NRP2: variants seen among roughly 807,000 people sequenced by gnomAD.
The protein encoded by NRP2 is neuropilin-2.
Under a neutral mutation model 110.4 loss-of-function variants are expected in NRP2, and 52 were observed. That is an observed-to-expected ratio of 0.47 (90% CI 0.38 to 0.59). The LOEUF (loss-of-function observed/expected upper bound fraction) is 0.59, where lower values mean the gene tolerates loss of function less well. Ranked by LOEUF, NRP2 falls within the 20% of genes least tolerant of loss-of-function variation. NRP2 has a pLI of 0.00. For missense variants in NRP2, 1,049 were observed against 1,203.0 expected (o/e 0.87, Z 1.89); for synonymous variants, 508 against 468.9 (o/e 1.08, Z -1.08).
At chr2:205,713,584 G>T (rs1285488463) in intron 2 of NRP2, among the ~76,000 whole-genome samples, 3 of 152,216 alleles carry the variant, frequency 2.0e-5, no homozygotes, top group Non-Finnish European at 4.4e-5. Context: ...GTGAGGAAAT[G>T]TATGTATACC....
chr2:205,771,032 C>G (rs1461164458), intron 15 of NRP2, among the ~76,000 whole-genome samples: 3 of 152,228 alleles, frequency 2.0e-5, no homozygotes, highest in Non-Finnish European at 4.4e-5. Flanking sequence ...TTTTCACCAA[C>G]TTTTCTCTCC....
At chr2:205,716,607 A>G (rs2056902396) in intron 3 of NRP2, among the ~76,000 whole-genome samples, 2 of 152,004 alleles carry the variant, frequency 1.3e-5, no homozygotes, top group Non-Finnish European at 2.9e-5. Flanking sequence ...CAAAACAGCC[A>G]TTGTTTGTGG....
At chr2:205,786,753 A>G (rs2058240120) in intron 15 of NRP2, among the ~76,000 whole-genome samples, 1 of 152,222 alleles carries the variant, frequency 6.6e-6, no homozygotes, top group Admixed American at 6.5e-5. Context: ...GCTTAAAACT[A>G]TAGGCACAAT....
intron 8 of NRP2, among the ~76,000 whole-genome samples, chr2:205,742,106 G>A (rs1003085080): frequency 2.0e-5 from 3 of 152,200 alleles, no homozygotes; most frequent in Admixed American, 2.0e-4. Context: ...TTAGGTAGAG[G>A]TCATTCTCTG....
chr2:205,709,681 C>T (rs932977635), intron 2 of NRP2, among the ~76,000 whole-genome samples: 2 of 152,172 alleles, frequency 1.3e-5, no homozygotes, highest in African/African-American at 2.4e-5. Context: ...CAGACCTTTT[C>T]CCTAGAAAAA....
chr2:205,729,605 G>C (rs961009685), intron 7 of NRP2, among the ~76,000 whole-genome samples: 1 of 152,178 alleles, frequency 6.6e-6, no homozygotes, highest in Non-Finnish European at 1.5e-5. Context: ...CTGTCCAGGC[G>C]CAATGACTAA....
intron 15 of NRP2, among the ~76,000 whole-genome samples, chr2:205,769,227 T>G (rs1448122087): frequency 6.6e-6 from 1 of 152,152 alleles, no homozygotes; most frequent in Non-Finnish European, 1.5e-5. Flanking sequence ...GGCATTTACA[T>G]TGTTATACAT....
intron 16 of NRP2, among the ~76,000 whole-genome samples, chr2:205,794,503 C>G (rs563192575): frequency 6.6e-6 from 1 of 152,332 alleles, no homozygotes; most frequent in South Asian, 2.1e-4. Context: ...CCTAACAACC[C>G]AGTTGAGGCA....
intron 16 of NRP2, 97 bp downstream of exon 16, chr2:205,792,382 T>C: frequency 1.2e-6 from 1 of 828,456 alleles, no homozygotes; most frequent in Non-Finnish European, 2.1e-6. Flanking sequence ...AGGGCCCAAA[T>C]CTAGAACTAT....
chr2:205,788,306 C>T (rs987946453), intron 15 of NRP2, among the ~76,000 whole-genome samples: 2 of 152,106 alleles, frequency 1.3e-5, no homozygotes, highest in Non-Finnish European at 2.9e-5. Flanking sequence ...GCTACTGTGC[C>T]CACTTGATTA....
intron 16 of NRP2, among the ~76,000 whole-genome samples, chr2:205,793,617 T>G (rs963927483): frequency 6.6e-6 from 1 of 152,190 alleles, no homozygotes; most frequent in African/African-American, 2.4e-5. Context: ...CTATTCTAGC[T>G]CTGTCTCCTT....
At chr2:205,722,169 T>TCTCTCA (rs1272092544) in intron 3 of NRP2, 2 of 332,378 alleles carry the variant, frequency 6.0e-6, no homozygotes, top group African/African-American at 3.0e-5. Context: ...TCTCTCTCTC[T>TCTCTCA]CATACACACA....
chr2:205,765,172 A>G (rs1336061473), intron 13 of NRP2, among the ~76,000 whole-genome samples: 6 of 152,178 alleles, frequency 3.9e-5, no homozygotes, highest in African/African-American at 1.2e-4. Flanking sequence ...CCCCCTTTCA[A>G]TAGTCTCTGA....
intron 7 of NRP2, among the ~76,000 whole-genome samples, chr2:205,739,714 A>G (rs563523813): frequency 7.0e-5 from 10 of 142,340 alleles, no homozygotes; most frequent in Admixed American, 6.5e-4. Context: ...AGCAGAGAGC[A>G]CAAAAAAGCA....
chr2:205,760,372 T>A (rs2057801506), intron 12 of NRP2, among the ~76,000 whole-genome samples: 1 of 152,204 alleles, frequency 6.6e-6, no homozygotes, highest in Non-Finnish European at 1.5e-5. Flanking sequence ...ATCATCTTTC[T>A]TCCCTGGAGC....
At chr2:205,741,239 G>T (rs954057341) in intron 8 of NRP2, among the ~76,000 whole-genome samples, 4 of 152,206 alleles carry the variant, frequency 2.6e-5, no homozygotes, top group African/African-American at 9.7e-5. Context: ...ATCAATGTCT[G>T]GACATAGAGG....
intron 2 of NRP2, among the ~76,000 whole-genome samples, chr2:205,699,967 C>T (rs2056517457): frequency 6.6e-6 from 1 of 151,452 alleles, no homozygotes; most frequent in Non-Finnish European, 1.5e-5. Flanking sequence ...TCCCCCACTC[C>T]CCATTTCTCT....
chr2:205,711,605 T>C (rs936121760), intron 2 of NRP2, among the ~76,000 whole-genome samples: 7 of 152,182 alleles, frequency 4.6e-5, no homozygotes, highest in African/African-American at 1.7e-4. Context: ...CATCTTATGA[T>C]CTTATGATGA....
intron 15 of NRP2, among the ~76,000 whole-genome samples, chr2:205,769,370 GT>G (rs2057980240): frequency 6.6e-6 from 1 of 152,176 alleles, no homozygotes; most frequent in Non-Finnish European, 1.5e-5. Context: ...TGGACCTGGA[GT>G]TATTAGATGG....
Sources: gnomAD v4.1 joint callset for allele counts (sites outside exome capture counted in the v4.1 genomes callset) on GRCh38, gnomAD v4.1.1 for gene constraint, MANE v1.5 for transcripts, NCBI Gene and HGNC (gene_info 2026-07-23, HGNC 2026-07-21) for gene names.